GIMAP8: variants seen among roughly 807,000 people sequenced by gnomAD.
The protein encoded by GIMAP8 is GTPase IMAP family member 8.
GIMAP8 carries 29 observed loss-of-function variants against 35.6 expected under a neutral mutation model. The observed-to-expected ratio is 0.81, with a 90% CI of 0.61 to 1.11. The LOEUF is 1.11. Among genes scored for constraint, GIMAP8 ranks in the 50% most tolerant of loss-of-function variants. The pLI, the probability that GIMAP8 is intolerant of heterozygous loss-of-function variation, is 0.00. For synonymous variants in GIMAP8, 335 were observed against 308.7 expected (o/e 1.09, Z -0.89); for missense variants, 811 against 805.0 (o/e 1.01, Z -0.09).
At position 150,470,787 on chromosome 7, in the gene GIMAP8, G is replaced by A. The variant is rs749601691; in HGVS notation, c.637-42G>A. On this transcript the variant is annotated intron_variant, in intron 2 of 4. Coordinates refer to ENST00000307271, the MANE Select transcript of GIMAP8 (RefSeq NM_175571.4). ...TTTTTTTCAGTTTGTGGAAGATGAG[G>A]TTTTAGATCTGTGTGCACTATTTTG... 5 of 740,528 alleles carry A rather than the reference G, an allele frequency of 6.8e-6. No individual in the cohort carries two copies. The South Asian group carries it at 6.9e-5, about 10-fold the overall frequency. The allele number at this position is 740,528 out of a possible 1,614,324, so 45.9% of individuals were successfully genotyped here.
chr7:150,458,686 C>T (rs952054671), intron 1 of GIMAP8, among the ~76,000 whole-genome samples: 5 of 152,144 alleles, frequency 3.3e-5, no homozygotes, highest in African/African-American at 4.8e-5. Flanking sequence ...TACAACTGTC[C>T]TGCATACAAC....
intron 1 of GIMAP8, among the ~76,000 whole-genome samples, chr7:150,452,607 A>G (rs1801632809): frequency 6.9e-6 from 1 of 144,156 alleles, no homozygotes. Context: ...GTATATATGT[A>G]TGTATATATG....
chr7:150,474,680 T>A, intron 4 of GIMAP8, 42 bp downstream of exon 4: 1 of 1,226,642 alleles, frequency 8.2e-7, no homozygotes, highest in Non-Finnish European at 1.1e-6. Context: ...ATATATCATT[T>A]AAAAATAGGT....
In GIMAP8 at chr7:150,473,999, A is replaced by G. The variant is rs201289699; in HGVS notation, c.683-13A>G. ...GCAGGAAGAGACTCTGAACCTGTCC[A>G]TTTGTCCCACAGGCCCAAGGGAAAG... On this transcript the variant is annotated splice_polypyrimidine_tract_variant and intron_variant, in intron 3 of 4. Coordinates refer to ENST00000307271, the MANE Select transcript of GIMAP8 (RefSeq NM_175571.4). 550 of 1,604,652 alleles carry G rather than the reference A, an allele frequency of 3.4e-4. 1 individual carries two copies. Among genetic ancestry groups the G allele is most frequent in the Non-Finnish European group, 4.5e-4 (526 of 1,175,770 alleles).
At chr7:150,469,925 T>C (rs1392637206) in intron 2 of GIMAP8, among the ~76,000 whole-genome samples, 1 of 152,242 alleles carries the variant, frequency 6.6e-6, no homozygotes, top group Non-Finnish European at 1.5e-5. Flanking sequence ...AATGCATTAT[T>C]AAGCAGATTG....
chr7:150,452,705 T>C (rs200871519), intron 1 of GIMAP8, among the ~76,000 whole-genome samples: 18 of 123,594 alleles, frequency 1.5e-4, no homozygotes, highest in African/African-American at 4.1e-4. Flanking sequence ...TATATATATA[T>C]ATATACATGC....
At chr7:150,457,491 G>GT (rs1374261883) in intron 1 of GIMAP8, among the ~76,000 whole-genome samples, 148 of 152,288 alleles carry the variant, frequency 9.7e-4, no homozygotes, top group Middle Eastern at 6.8e-3. Context: ...AAAATTTAGT[G>GT]TTTTTGTGTG....
Position 150,451,569 on chromosome 7 carries a change from A to T in GIMAP8, c.-29+394A>T, listed in dbSNP as rs919443042. 6.6e-6 allele frequency among the ~76,000 whole-genome samples: 1 copy of T among 152,062 alleles called. No individual in the cohort carries two copies. Among genetic ancestry groups the T allele is most frequent in the Non-Finnish European group, 1.5e-5 (1 of 67,994 alleles). ...TGTCGGGGAGTGGGTGTGAGCCCTG[A>T]AGAGGAGGAGGGCTGAGACTGGCAG... On this transcript the variant is annotated intron_variant, in intron 1 of 4. Coordinates refer to ENST00000307271, the MANE Select transcript of GIMAP8 (RefSeq NM_175571.4). The surrounding 1 kb of genome is among the most constrained non-coding windows in gnomAD (Gnocchi z 4.1).
At position 150,465,589 on chromosome 7, in the gene GIMAP8, C is replaced by T. The variant is rs561694165; in HGVS notation, c.-28-1082C>T. Among the ~76,000 whole-genome samples the T allele has an allele frequency of 2.6e-5, 4 of 152,294 alleles. No homozygotes were observed. The South Asian group carries it at 8.3e-4, about 32-fold the overall frequency. On this transcript the variant is annotated intron_variant, in intron 1 of 4. Coordinates refer to ENST00000307271, the MANE Select transcript of GIMAP8 (RefSeq NM_175571.4). ...AAATCAGCTCAAAACATATGTCAAA[C>T]AAGGTGGGGCCTGAATAAATAAATA... is the stretch of plus-strand genomic sequence containing the variant.
intron 1 of GIMAP8, among the ~76,000 whole-genome samples, chr7:150,462,986 T>C (rs1801872045): frequency 6.6e-6 from 1 of 152,178 alleles, no homozygotes; most frequent in African/African-American, 2.4e-5. Flanking sequence ...AGTATTTGTT[T>C]ACTTTATGGT....
intron 1 of GIMAP8, among the ~76,000 whole-genome samples, chr7:150,454,285 A>G (rs992179702): frequency 6.6e-6 from 1 of 152,112 alleles, no homozygotes; most frequent in Non-Finnish European, 1.5e-5. Flanking sequence ...GTTTAGAATG[A>G]AGCGTGACAT....
intron 3 of GIMAP8, among the ~76,000 whole-genome samples, chr7:150,471,606 G>A (rs552065960): frequency 6.6e-6 from 1 of 152,230 alleles, no homozygotes; most frequent in Non-Finnish European, 1.5e-5. Flanking sequence ...GGAGGCCGAG[G>A]TGGGTGGATC....
chr7:150,477,039 T>C (rs1802244106), intron 4 of GIMAP8, 53 bp from the exon 5 acceptor site: 2 of 1,426,810 alleles, frequency 1.4e-6, no homozygotes, highest in Non-Finnish European at 9.7e-7. Context: ...AACTTTAAAA[T>C]CCAATTTCAG....
At chr7:150,477,041 C>A (rs1266862703) in intron 4 of GIMAP8, 51 bp from the exon 5 acceptor site, 2 of 1,435,188 alleles carry the variant, frequency 1.4e-6, no homozygotes, top group African/African-American at 1.4e-5. Context: ...CTTTAAAATC[C>A]AATTTCAGAT....
chr7:150,464,877 G>T (rs988672597), intron 1 of GIMAP8, among the ~76,000 whole-genome samples: 10 of 152,314 alleles, frequency 6.6e-5, no homozygotes, highest in African/African-American at 2.4e-4. Flanking sequence ...TTATGGCACA[G>T]AGTGATCAGA....
At position 150,477,160 on chromosome 7, in the gene GIMAP8, G is replaced by T. The variant is rs1563288551; in HGVS notation, c.1378G>T (p.Gly460Trp). Residue 460 changes from glycine to tryptophan, a missense_variant, in exon 5 of 5, where the codon GGG becomes TGG. Gly to Trp is a radical substitution (Grantham distance 184, BLOSUM62 -2). Transcript: ENST00000307271. ...GKSATGNSILGSLVFTSRLRA... is the reference protein window; with the variant it reads ...GKSATGNSILWSLVFTSRLRA... ...GAGTGCGACCGGGAACTCTATCCTG[G>T]GGAGCCTCGTCTTCACCTCTCGGCT... 6.2e-7 allele frequency: 1 copy of T among 1,613,968 alleles called. No individual in the cohort carries two copies. Among genetic ancestry groups the T allele is most frequent in the Non-Finnish European group, 8.5e-7 (1 of 1,179,942 alleles).
At chr7:150,453,078 G>C (rs900189147) in intron 1 of GIMAP8, among the ~76,000 whole-genome samples, 1 of 151,762 alleles carries the variant, frequency 6.6e-6, no homozygotes, top group South Asian at 2.1e-4. Flanking sequence ...TTTGTACCAA[G>C]GGTAGTACAG....
Position 150,474,565 on chromosome 7 carries a change from G to A in GIMAP8, c.1236G>A (p.Ala412=), listed in dbSNP as rs149276246. 872 of 1,613,344 alleles carry A rather than the reference G, an allele frequency of 5.4e-4. No homozygotes were observed. Among genetic ancestry groups the A allele is most frequent in the Non-Finnish European group, 7.0e-4 (822 of 1,179,754 alleles). The change falls in exon 4 of 5, where the codon GCG becomes GCA. Residue 412 remains alanine, a synonymous_variant. Transcript: ENST00000307271. ...CAGGAGAAGAAGAGCAAAGGCAGGC[G>A]GACGAGCTCCTGGAAAAAATTGAGA... ...RATGEEEQRQ[A]DELLEKIESM... is the part of the protein sequence containing the mutation.
intron 1 of GIMAP8, among the ~76,000 whole-genome samples, chr7:150,461,048 A>G (rs1242923086): frequency 6.6e-6 from 1 of 152,242 alleles, no homozygotes; most frequent in Non-Finnish European, 1.5e-5. Flanking sequence ...GGGCCTGCCA[A>G]AGGCTCCACA....
Sources: gnomAD v4.1 joint callset for allele counts (sites outside exome capture counted in the v4.1 genomes callset) on GRCh38, gnomAD v4.1.1 for gene constraint, Gnocchi (gnomAD v3.1) non-coding constraint, MANE v1.5 for transcripts, NCBI Gene and HGNC (gene_info 2026-07-23, HGNC 2026-07-21) for gene names.